The following QKI variants were observed in gnomAD, a reference collection of about 807,000 sequenced individuals.
The protein encoded by QKI is QKI, KH domain containing RNA binding.
QKI carries 10 observed loss-of-function variants against 39.0 expected under a neutral mutation model. The observed-to-expected ratio is 0.26, with a 90% confidence interval of 0.16 to 0.43. QKI has a LOEUF of 0.43. Among genes scored for constraint, QKI ranks in the 20% least tolerant of loss-of-function variants. The probability of loss-of-function intolerance (pLI) is 1.00; values close to 1 mark genes in which losing one functional copy is unlikely to be tolerated. For missense variants in QKI, 218 were observed against 428.0 expected, an observed-to-expected ratio of 0.51 and a Z score of 4.33; for synonymous variants, 204 against 155.4, an observed-to-expected ratio of 1.31 and a Z score of -2.33.
At chr6:163,559,108 C>T (rs1369749334) in intron 4 of QKI, among the ~76,000 whole-genome samples, 1 of 152,164 alleles carries the variant, frequency 6.6e-6, no homozygotes, top group East Asian at 1.9e-4. Context: ...CACTCCATTG[C>T]CAAATAATGA....
chr6:163,541,513 C>CTT (rs1781517385), intron 4 of QKI, among the ~76,000 whole-genome samples: 1 of 122,712 alleles, frequency 8.1e-6, no homozygotes, highest in Non-Finnish European at 1.7e-5. Flanking sequence ...TTTTTTTTTC[C>CTT]TTTTCTCTAG....
chr6:163,533,084 A>G (rs1780964286), intron 3 of QKI, among the ~76,000 whole-genome samples: 1 of 151,920 alleles, frequency 6.6e-6, no homozygotes, highest in African/African-American at 2.4e-5. Flanking sequence ...AAATAGGTGC[A>G]CTTTTAGGCC....
intron 1 of QKI, among the ~76,000 whole-genome samples, chr6:163,451,097 A>G (rs1466032144): frequency 6.6e-6 from 1 of 152,254 alleles, no homozygotes; most frequent in Non-Finnish European, 1.5e-5. Flanking sequence ...GGATATGTGT[A>G]GCAGAAAATA....
intron 3 of QKI, among the ~76,000 whole-genome samples, chr6:163,507,782 A>C (rs534458875): frequency 6.6e-6 from 1 of 152,332 alleles, no homozygotes; most frequent in Admixed American, 6.5e-5. Context: ...TCGTCAAAAT[A>C]ATCTAGAATC....
intron 4 of QKI, among the ~76,000 whole-genome samples, chr6:163,539,971 T>C (rs1278089926): frequency 6.6e-6 from 1 of 152,134 alleles, no homozygotes; most frequent in East Asian, 1.9e-4. Context: ...TCAGTTTTTA[T>C]ATTAAGGAGC....
At chr6:163,476,862 A>G (rs1039104253) in intron 2 of QKI, among the ~76,000 whole-genome samples, 4 of 152,156 alleles carry the variant, frequency 2.6e-5, no homozygotes, top group East Asian at 3.9e-4. Context: ...CTGTATGGCA[A>G]ACTTTTTACT....
At chr6:163,495,194 C>T (rs1014854117) in intron 3 of QKI, among the ~76,000 whole-genome samples, 2 of 152,138 alleles carry the variant, frequency 1.3e-5, no homozygotes, top group East Asian at 1.9e-4. Flanking sequence ...GGATTACAGG[C>T]ATGAGCCACC....
intron 4 of QKI, among the ~76,000 whole-genome samples, chr6:163,560,731 C>G (rs952346525): frequency 1.3e-5 from 2 of 152,050 alleles, no homozygotes; most frequent in Non-Finnish European, 2.9e-5. Flanking sequence ...AGTAAGAAAC[C>G]ATGAAAGTGT....
At chr6:163,442,769 G>T (rs1443813655) in intron 1 of QKI, among the ~76,000 whole-genome samples, 2 of 152,126 alleles carry the variant, frequency 1.3e-5, no homozygotes, top group African/African-American at 4.8e-5. Context: ...AAGGGAGTTG[G>T]TGATAGGATT....
At chr6:163,496,963 A>G (rs761824772) in intron 3 of QKI, among the ~76,000 whole-genome samples, 5 of 152,136 alleles carry the variant, frequency 3.3e-5, no homozygotes, top group Non-Finnish European at 5.9e-5. Flanking sequence ...ACTTAAGGGA[A>G]TATGTTCATT....
At chr6:163,502,346 A>C (rs1778825314) in intron 3 of QKI, among the ~76,000 whole-genome samples, 1 of 152,118 alleles carries the variant, frequency 6.6e-6, no homozygotes, top group Non-Finnish European at 1.5e-5. Flanking sequence ...ACAAACAAAC[A>C]AACAAAAATA....
At chr6:163,453,024 G>A (rs376067045) in intron 1 of QKI, among the ~76,000 whole-genome samples, 8 of 151,810 alleles carry the variant, frequency 5.3e-5, no homozygotes, top group Non-Finnish European at 1.0e-4. Context: ...CACTGCGCCC[G>A]GCACGTTTAT....
At chr6:163,532,637 G>A (rs1424584700) in intron 3 of QKI, among the ~76,000 whole-genome samples, 1 of 152,144 alleles carries the variant, frequency 6.6e-6, no homozygotes, top group Non-Finnish European at 1.5e-5. Flanking sequence ...CCTTACCCGT[G>A]GGGAATCCTT....
chr6:163,417,680 CTAGA>C (rs1219009658), intron 1 of QKI, among the ~76,000 whole-genome samples: 1 of 152,136 alleles, frequency 6.6e-6, no homozygotes, highest in African/African-American at 2.4e-5. Context: ...ATGATATCTC[CTAGA>C]TAATGTTTGT....
chr6:163,461,190 T>C (rs1026312204), intron 2 of QKI, among the ~76,000 whole-genome samples: 5 of 152,202 alleles, frequency 3.3e-5, no homozygotes, highest in African/African-American at 1.2e-4. Flanking sequence ...TGTAAGGGTA[T>C]ATTTAGGGCC....
intron 3 of QKI, among the ~76,000 whole-genome samples, chr6:163,505,314 G>T (rs554437318): frequency 8.1e-4 from 124 of 152,322 alleles, no homozygotes; most frequent in Non-Finnish European, 1.5e-3. Flanking sequence ...CTGGGTCATG[G>T]CCTAATGGAG....
intron 3 of QKI, among the ~76,000 whole-genome samples, chr6:163,505,503 G>C (rs1043835334): frequency 1.3e-5 from 2 of 152,188 alleles, no homozygotes; most frequent in African/African-American, 4.8e-5. Context: ...CCCATCCCTT[G>C]CAACAACGTG....
chr6:163,439,643 C>T (rs117993874), intron 1 of QKI, among the ~76,000 whole-genome samples: 4 of 147,574 alleles, frequency 2.7e-5, no homozygotes, highest in Admixed American at 6.8e-5. Flanking sequence ...CATGAGCCAC[C>T]GCGTCCTGAA....
intron 2 of QKI, among the ~76,000 whole-genome samples, chr6:163,465,489 A>G (rs543830209): frequency 6.6e-6 from 1 of 151,654 alleles, no homozygotes; most frequent in East Asian, 2.0e-4. Context: ...TTCACCAGGC[A>G]TGGTGATGCA....
Sources: gnomAD v4.1 joint callset for allele counts (sites outside exome capture counted in the v4.1 genomes callset) on GRCh38, gnomAD v4.1.1 for gene constraint, MANE v1.5 for transcripts, NCBI Gene and HGNC (gene_info 2026-07-23, HGNC 2026-07-21) for gene names.